The following PHF20 variants were observed in gnomAD, a reference collection of about 807,000 sequenced individuals.
PHF20 encodes glioma-expressed antigen 2.
A neutral mutation model predicts 113.5 loss-of-function variants in PHF20; 23 were observed. The ratio of observed to expected loss-of-function variants is 0.20; its 90% CI spans 0.15 to 0.29. The LOEUF is 0.29. PHF20 is among the 10% of genes least tolerant of loss of function. The probability of loss-of-function intolerance (pLI) is 1.00; values close to 1 mark genes in which losing one functional copy is unlikely to be tolerated. For synonymous variants in PHF20, 434 were observed against 457.3 expected, an observed-to-expected ratio of 0.95 and a Z score of 0.65; for missense variants, 943 against 1,219.6, an observed-to-expected ratio of 0.77 and a Z score of 3.38.
chr20:35,832,874 C>A (rs2042378311), intron 2 of PHF20, among the ~76,000 whole-genome samples: 1 of 151,880 alleles, frequency 6.6e-6, no homozygotes, highest in Non-Finnish European at 1.5e-5. Context: ...ATAGTGAAAC[C>A]CTGTCTCTAC....
At chr20:35,886,759 C>T (rs1706940616) in intron 9 of PHF20, among the ~76,000 whole-genome samples, 1 of 152,116 alleles carries the variant, frequency 6.6e-6, no homozygotes, top group Admixed American at 6.6e-5. Flanking sequence ...GAGCCAGGGC[C>T]ATCTGGATGT....
At chr20:35,818,164 A>T (rs545895395) in intron 2 of PHF20, among the ~76,000 whole-genome samples, 1 of 151,846 alleles carries the variant, frequency 6.6e-6, no homozygotes, top group Non-Finnish European at 1.5e-5. Flanking sequence ...AATCCTAGCT[A>T]CTCAGGAGGC....
intron 2 of PHF20, among the ~76,000 whole-genome samples, chr20:35,837,279 T>TCACA (rs2042460090): frequency 6.6e-6 from 1 of 152,214 alleles, no homozygotes; most frequent in Non-Finnish European, 1.5e-5. Flanking sequence ...TTAAAAAAAT[T>TCACA]CACACTAAAG....
chr20:35,845,200 GT>G (rs894805592), intron 3 of PHF20, among the ~76,000 whole-genome samples: 15 of 137,470 alleles, frequency 1.1e-4, no homozygotes, highest in South Asian at 2.4e-4. Flanking sequence ...CATTTATGGT[GT>G]TTTTTTTTTC....
At chr20:35,940,730 A>T (rs2055961112) in intron 16 of PHF20, 134 bp from the exon 17 acceptor site, 1 of 765,036 alleles carries the variant, frequency 1.3e-6, no homozygotes, top group East Asian at 2.5e-5. Flanking sequence ...CTAAGTGGGA[A>T]ATAGGAAAGG....
chr20:35,895,681 C>CT (rs762279629), intron 9 of PHF20, among the ~76,000 whole-genome samples: 7,062 of 116,708 alleles, frequency 0.061, 437 homozygotes, highest in South Asian at 0.14. Flanking sequence ...TTTGCTTCTC[C>CT]TTTTTTTTTT....
chr20:35,885,785 C>A (rs909989428), intron 9 of PHF20, among the ~76,000 whole-genome samples: 1 of 151,802 alleles, frequency 6.6e-6, no homozygotes, highest in Non-Finnish European at 1.5e-5. Flanking sequence ...CTGTTATTAC[C>A]CCCTTTATAA....
intron 10 of PHF20, among the ~76,000 whole-genome samples, chr20:35,903,951 G>A (rs886307466): frequency 1.3e-5 from 2 of 152,202 alleles, no homozygotes; most frequent in Non-Finnish European, 2.9e-5. Flanking sequence ...GCCCCAGTTT[G>A]TCAGGGTTTT....
intron 9 of PHF20, among the ~76,000 whole-genome samples, chr20:35,876,477 A>G (rs1171921849): frequency 6.6e-6 from 1 of 151,878 alleles, no homozygotes; most frequent in East Asian, 1.9e-4. Flanking sequence ...AGGCTGAGGC[A>G]GGAGAGTTGC....
intron 9 of PHF20, among the ~76,000 whole-genome samples, chr20:35,878,131 A>G (rs1250424937): frequency 3.3e-5 from 5 of 152,130 alleles, no homozygotes; most frequent in Non-Finnish European, 7.4e-5. Flanking sequence ...AGTTTGGGAA[A>G]TTGTGTGTGT....
At chr20:35,854,079 A>G (rs2042786866) in intron 4 of PHF20, among the ~76,000 whole-genome samples, 1 of 152,138 alleles carries the variant, frequency 6.6e-6, no homozygotes, top group Non-Finnish European at 1.5e-5. Context: ...TCTAAGAAAA[A>G]AAGAGGCCCT....
Position 35,911,777 on chromosome 20 carries a change from G to A in PHF20, c.1562-1472G>A, listed in dbSNP as rs533007279. On this transcript the variant is annotated intron_variant, in intron 10 of 17. Transcript: ENST00000374012. ...CGATTCGAGCAATTCTTCTGCCTCA[G>A]CCTCCCAAGTAGCTGGGATTACAGG... Among the ~76,000 whole-genome samples the A allele has an allele frequency of 2.0e-5, 3 of 152,040 alleles. No individual in the cohort carries two copies. In the East Asian group the frequency reaches 5.8e-4, roughly 29 times the overall value.
chr20:35,872,464 G>C (rs1005996550), intron 9 of PHF20, among the ~76,000 whole-genome samples: 1 of 152,070 alleles, frequency 6.6e-6, no homozygotes, highest in Non-Finnish European at 1.5e-5. Flanking sequence ...CGGAGGTTGC[G>C]GTGAGCCAAG....
intron 4 of PHF20, among the ~76,000 whole-genome samples, chr20:35,852,275 G>A (rs1032122066): frequency 2.6e-5 from 4 of 152,146 alleles, no homozygotes; most frequent in Non-Finnish European, 5.9e-5. Context: ...AGGTCCAGGT[G>A]TTCACTGATA....
At chr20:35,928,141 T>A (rs1600950155) in intron 14 of PHF20, among the ~76,000 whole-genome samples, 1 of 151,806 alleles carries the variant, frequency 6.6e-6, no homozygotes, top group African/African-American at 2.4e-5. Context: ...AATTATGGTT[T>A]AAAAAAAATG....
At chr20:35,919,605 A>G (rs2055473749) in intron 13 of PHF20, among the ~76,000 whole-genome samples, 3 of 151,992 alleles carry the variant, frequency 2.0e-5, no homozygotes, top group South Asian at 4.1e-4. Flanking sequence ...TTTGAAATTC[A>G]CTTTTGGATC....
chr20:35,815,905 C>T (rs1446723733), intron 2 of PHF20, among the ~76,000 whole-genome samples: 6 of 152,098 alleles, frequency 3.9e-5, no homozygotes, highest in Admixed American at 3.9e-4. Flanking sequence ...TTTGGAAATA[C>T]ATATATATTC....
chr20:35,906,335 A>G (rs1265923820), intron 10 of PHF20, among the ~76,000 whole-genome samples: 1 of 152,244 alleles, frequency 6.6e-6, no homozygotes, highest in East Asian at 1.9e-4. Flanking sequence ...AGAGAACAAC[A>G]TAGCTGGCTA....
In PHF20 at chr20:35,863,109, A is replaced by G; in HGVS notation, c.517A>G (p.Thr173Ala). ...REKFKEQRKA[T>A]VNVKKDKEDK... ...GAAGTTTAAAGAACAGAGAAAAGCAACAGTGAATGTGAAGAAAGACAAAGA... is the reference window on the plus strand; with the variant it reads ...GAAGTTTAAAGAACAGAGAAAAGCAGCAGTGAATGTGAAGAAAGACAAAGA... The change falls in exon 6 of 18, where the codon ACA becomes GCA. Residue 173 changes from threonine (T) to alanine (A), a missense_variant. Transcript: ENST00000374012. 1 of 1,613,600 alleles carries G rather than the reference A, an allele frequency of 6.2e-7. No individual in the cohort carries two copies. The highest frequency in any genetic ancestry group is 8.5e-7 in the Non-Finnish European group (1 of 1,179,900).
Sources: allele counts gnomAD v4.1 joint callset (sites outside exome capture counted in the v4.1 genomes callset), GRCh38; gene constraint gnomAD v4.1.1; transcripts MANE v1.5; gene names NCBI Gene and HGNC (gene_info 2026-07-23, HGNC 2026-07-21).